The following LARGE1 variants were observed in gnomAD, a reference collection of about 807,000 sequenced individuals.
LARGE1 encodes the protein xylosyl- and glucuronyltransferase LARGE1.
A neutral mutation model predicts 87.6 loss-of-function variants in LARGE1; 43 were observed. The observed-to-expected ratio is 0.49, with a 90% CI of 0.38 to 0.63. The LOEUF is 0.63. Ranked by LOEUF, LARGE1 falls within the 30% of genes least tolerant of loss-of-function variation. The pLI is 0.00. For missense variants in LARGE1, 802 were observed against 1,000.2 expected, an observed-to-expected ratio of 0.80 and a Z score of 2.67; for synonymous variants, 434 against 394.6, an observed-to-expected ratio of 1.10 and a Z score of -1.18.
intron 11 of LARGE1, among the ~76,000 whole-genome samples, chr22:33,257,065 C>G (rs1052815855): frequency 3.9e-5 from 6 of 152,068 alleles, no homozygotes; most frequent in African/African-American, 4.8e-5. Context: ...ATTAGCCGGG[C>G]GTGGTGGTGC....
At position 33,623,632 on chromosome 22, in the gene LARGE1, C is replaced by T. The variant is rs373622586; in HGVS notation, c.491+2612G>A. On this transcript the variant is annotated intron_variant, in intron 4 of 14. Transcript: ENST00000397394. ...GTACAGGTCAGCCCAGTAGAAACAA[C>T]TGAACTAATAAGTAAATGTTTCAGA... 5.4e-5 allele frequency among the ~76,000 whole-genome samples: 8 copies of T among 148,582 alleles called. No individual in the cohort carries two copies. The South Asian group carries it at 1.5e-3, about 28-fold the overall frequency.
At chr22:33,746,538 C>A (rs1265451227) in intron 2 of LARGE1, 1 of 152,258 alleles carries the variant, frequency 6.6e-6, no homozygotes, top group East Asian at 1.9e-4. Flanking sequence ...GAATGAATAA[C>A]CTTGGTGATC....
intron 6 of LARGE1, among the ~76,000 whole-genome samples, chr22:33,536,739 C>A (rs1602308352): frequency 6.6e-6 from 1 of 152,192 alleles, no homozygotes; most frequent in African/African-American, 2.4e-5. Context: ...CCCATCTATC[C>A]CCGTTTTCAC....
the LARGE1 span, among the ~76,000 whole-genome samples, chr22:33,095,713 T>C: frequency 1.3e-5 from 2 of 152,214 alleles, no homozygotes; most frequent in Non-Finnish European, 2.9e-5. Flanking sequence ...GTATTCGCTA[T>C]GTGCCCCATC....
intron 11 of LARGE1, among the ~76,000 whole-genome samples, chr22:33,185,670 C>T (rs1448362705): frequency 6.6e-6 from 1 of 152,114 alleles, no homozygotes; most frequent in African/African-American, 2.4e-5. Flanking sequence ...TGTATGAGAA[C>T]TCTCTGTAAT....
At chr22:33,159,492 GAA>G (rs948240504), downstream of LARGE1, among the ~76,000 whole-genome samples, 1 of 150,764 alleles carries the variant, frequency 6.6e-6, no homozygotes, top group Non-Finnish European at 1.5e-5. Flanking sequence ...AATTAGGAAT[GAA>G]AAAAATTAAA....
At chr22:33,561,042 C>T (rs967875805) in intron 6 of LARGE1, among the ~76,000 whole-genome samples, 11 of 152,184 alleles carry the variant, frequency 7.2e-5, no homozygotes, top group Non-Finnish European at 4.4e-5. Context: ...TTTCGATCTC[C>T]TGACCTCGTG....
At position 33,259,446 on chromosome 22, in the gene LARGE1, T is replaced by TACTAGAAA. The variant is rs200616397; in HGVS notation, c.1730+44782_1730+44783insTTTCTAGT. ...GCCACATCGTAGTTTTCTAGCAACC[T>TACTAGAAA]GGCTGGTCAACTGCCTTCCATTTCT... On this transcript the variant is annotated intron_variant, in intron 11 of 11. Transcript: ENST00000608642. Among the ~76,000 whole-genome samples the TACTAGAAA allele has an allele frequency of 7.9e-3, 1,195 of 152,176 alleles. 14 individuals are homozygous for TACTAGAAA. The highest frequency in any genetic ancestry group is 0.026 in the African/African-American group (1,093 of 41,502).
chr22:33,864,547 A>T (rs1463016447), intron 1 of LARGE1, among the ~76,000 whole-genome samples: 1 of 152,130 alleles, frequency 6.6e-6, no homozygotes, highest in Non-Finnish European at 1.5e-5. Flanking sequence ...ACATTTTACC[A>T]GGCAAGACTG....
chr22:33,200,477 A>G (rs1052937703), intron 11 of LARGE1, among the ~76,000 whole-genome samples: 1 of 152,168 alleles, frequency 6.6e-6, no homozygotes, highest in Non-Finnish European at 1.5e-5. Context: ...TGATCCAGCA[A>G]TTCCACTCCT....
At chr22:33,543,922 C>T (rs2077281745) in intron 6 of LARGE1, among the ~76,000 whole-genome samples, 2 of 152,344 alleles carry the variant, frequency 1.3e-5, no homozygotes, top group South Asian at 2.1e-4. Context: ...TAAGAGCTCA[C>T]TGTGTCTAAA....
At chr22:33,478,220 T>C (rs1002689145) in intron 6 of LARGE1, among the ~76,000 whole-genome samples, 8 of 152,114 alleles carry the variant, frequency 5.3e-5, no homozygotes, top group Admixed American at 5.2e-4. Flanking sequence ...AAGCAATACT[T>C]TCCAAACGGG....
At chr22:33,141,193 C>T in the LARGE1 span, among the ~76,000 whole-genome samples, 355 of 144,006 alleles carry the variant, frequency 2.5e-3, no homozygotes, top group Admixed American at 6.0e-3. Context: ...CTCTCTCTCT[C>T]TCACACACAC....
intron 4 of LARGE1, among the ~76,000 whole-genome samples, chr22:33,613,351 T>C (rs1220031769): frequency 2.0e-5 from 3 of 152,192 alleles, no homozygotes; most frequent in Non-Finnish European, 2.9e-5. Flanking sequence ...CAGACCACCT[T>C]TCTTGGAGCT....
intron 5 of LARGE1, among the ~76,000 whole-genome samples, chr22:33,588,343 T>C (rs16992592): frequency 0.14 from 22,057 of 152,128 alleles, 1,799 homozygotes; most frequent in African/African-American, 0.21. Context: ...GAACCCAAAT[T>C]TGAACAGAAT....
In LARGE1 at chr22:33,507,221, C is replaced by T. The variant is rs145455303; in HGVS notation, c.787+57627G>A. Among the ~76,000 whole-genome samples, 861 of 152,238 alleles carry T rather than the reference C, an allele frequency of 5.7e-3. 6 individuals carry two copies. Among genetic ancestry groups the T allele is most frequent in the African/African-American group, 0.02 (822 of 41,528 alleles). ...CAGCTTTTGCAATGGCATAGAGACC[C>T]GAGAGCAGGTATGCTGTTTGCTTCA... On this transcript the variant is annotated intron_variant, in intron 6 of 14. Transcript: ENST00000397394.
At chr22:33,573,762 G>A (rs1569282151) in intron 5 of LARGE1, among the ~76,000 whole-genome samples, 1 of 152,138 alleles carries the variant, frequency 6.6e-6, no homozygotes, top group African/African-American at 2.4e-5. Context: ...TTCGCTGGGT[G>A]GTTCTTAGGA....
At chr22:33,615,434 T>G (rs1359827065) in intron 4 of LARGE1, among the ~76,000 whole-genome samples, 2 of 152,148 alleles carry the variant, frequency 1.3e-5, no homozygotes, top group Non-Finnish European at 2.9e-5. Flanking sequence ...AATTGTTTCT[T>G]AGATATGGTC....
At chr22:33,133,378 G>A in the LARGE1 span, among the ~76,000 whole-genome samples, 2 of 152,040 alleles carry the variant, frequency 1.3e-5, no homozygotes, top group African/African-American at 4.8e-5. Flanking sequence ...CCCTCCCTGT[G>A]TCCATGTGTT....
Sources: gnomAD v4.1 joint callset for allele counts (sites outside exome capture counted in the v4.1 genomes callset) on GRCh38, gnomAD v4.1.1 for gene constraint, MANE v1.5 for transcripts, NCBI Gene and HGNC (gene_info 2026-07-23, HGNC 2026-07-21) for gene names.